The following NAPSA variants were observed in gnomAD, a reference collection of about 807,000 sequenced individuals.
The protein encoded by NAPSA is napsin-A.
Under a neutral mutation model 36.7 loss-of-function variants are expected in NAPSA, and 37 were observed. The ratio of observed to expected loss-of-function variants is 1.01; its 90% CI spans 0.78 to 1.33. The LOEUF (loss-of-function observed/expected upper bound fraction) is 1.33. NAPSA is among the 40% of genes most tolerant of loss of function. The probability of loss-of-function intolerance (pLI) is 0.00; values close to 1 mark genes in which losing one functional copy is unlikely to be tolerated. For synonymous variants in NAPSA, 222 were observed against 234.5 expected, an observed-to-expected ratio of 0.95 and a Z score of 0.49; for missense variants, 532 against 543.8, an observed-to-expected ratio of 0.98 and a Z score of 0.21.
upstream of NAPSA, chr19:50,369,268 A>T (rs548255784): frequency 6.6e-6 from 1 of 152,182 alleles, no homozygotes; most frequent in Non-Finnish European, 1.5e-5. Context: ...TTGGAGGGGA[A>T]TTGAACCTGG....
At chr19:50,369,203 T>C (rs2037585369), upstream of NAPSA, 1 of 152,100 alleles carries the variant, frequency 6.6e-6, no homozygotes, top group Non-Finnish European at 1.5e-5. Flanking sequence ...TTTTACCGGG[T>C]TGGGGAGGGG....
At chr19:50,361,520 T>G (rs1040583228) in intron 4 of NAPSA, 143 bp downstream of exon 4, 9 of 743,822 alleles carry the variant, frequency 1.2e-5, no homozygotes, top group Non-Finnish European at 2.1e-5. Context: ...CCCTTCACTC[T>G]GAAAGGCAGG....
intron 4 of NAPSA, chr19:50,361,418 C>G (rs1226425930): frequency 1.4e-5 from 8 of 588,704 alleles, no homozygotes; most frequent in Admixed American, 9.2e-5. Flanking sequence ...CTTGAGAAGC[C>G]CCACCTCTTA....
intron 4 of NAPSA, 81 bp downstream of exon 4, chr19:50,361,582 C>G (rs1420122586): frequency 3.2e-6 from 4 of 1,253,608 alleles, no homozygotes; most frequent in South Asian, 1.2e-5. Context: ...AGCTCCTCCT[C>G]GAGCCTCTTC....
rs2037434656 is a variant in NAPSA at position 50,359,034 on chromosome 19, TGAGGTTAAACCA to T, written c.1000_1011del (p.Trp334_Leu337del). On this transcript the variant is annotated inframe_deletion, in exon 8 of 9. Transcript: ENST00000253719. ...ACCTGGATGACGTAATCATGGGCCG[TGAGGTTAAACCA>T]GACCCCCCCAAGAAGGAAGGAGACT... The T allele has an allele frequency of 6.2e-7, 1 of 1,613,628 alleles. No homozygotes were observed. Among genetic ancestry groups the T allele is most frequent in the Non-Finnish European group, 8.5e-7 (1 of 1,179,840 alleles).
In NAPSA at chr19:50,358,503, G is replaced by T; in HGVS notation, c.*50C>A. 1 of 1,437,344 alleles carries T rather than the reference G, an allele frequency of 7.0e-7. No individual in the cohort carries two copies. The highest frequency in any genetic ancestry group is 9.3e-7 in the Non-Finnish European group (1 of 1,069,868). The allele number at this position is 1,437,344 out of a possible 1,614,324, so 89.0% of individuals were successfully genotyped here. A position where few individuals can be genotyped will look rare whatever the true frequency, so the allele number is the denominator to read the frequency against. On this transcript the variant is annotated 3_prime_UTR_variant, in exon 9 of 9. Transcript: ENST00000253719. ...CAATGGAAATAGTGGATTTTTACTG[G>T]GTAGCAGGACCTCCGCGACCACCCG...
intron 1 of NAPSA, among the ~76,000 whole-genome samples, chr19:50,365,007 TAATA>T (rs1245952676): frequency 9.1e-6 from 1 of 110,006 alleles, no homozygotes; most frequent in Admixed American, 9.9e-5. Context: ...ATAATAATAA[TAATA>T]AATAATAATA....
In NAPSA at chr19:50,362,153, G is replaced by C; in HGVS notation, c.225+19C>G. 6.2e-7 allele frequency: 1 copy of C among 1,612,742 alleles called. No homozygotes were observed. The highest frequency in any genetic ancestry group is 8.5e-7 in the Non-Finnish European group (1 of 1,179,030). On this transcript the variant is annotated intron_variant, in intron 2 of 8. Transcript: ENST00000253719. ...GCTCAAGGGCGCAGGGGTGAGGGCT[G>C]TGTGGGGCTGTGACTCACATCCCTG... is the stretch of plus-strand genomic sequence containing the variant.
chr19:50,360,000 C>T, intron 5 of NAPSA, 138 bp from the exon 6 acceptor site: 1 of 1,173,022 alleles, frequency 8.5e-7, no homozygotes. Flanking sequence ...GCAGGAAGGG[C>T]CTAGATGTTG....
At chr19:50,364,634 A>G (rs1321147797) in intron 1 of NAPSA, among the ~76,000 whole-genome samples, 1 of 148,730 alleles carries the variant, frequency 6.7e-6, no homozygotes, top group African/African-American at 2.5e-5. Context: ...AAAAAAAAAA[A>G]AGTCCTGAGA....
Position 50,359,376 on chromosome 19 carries a change from C to G in NAPSA, c.936+127G>C, listed in dbSNP as rs1221082374. The G allele has an allele frequency of 8.6e-6, 11 of 1,280,576 alleles. No individual in the cohort carries two copies. In the South Asian group the frequency reaches 1.3e-4, roughly 15 times the overall value. 79.3% of individuals were successfully genotyped at this position (1,280,576 alleles called of 1,614,324 possible). On this transcript the variant is annotated intron_variant, in intron 7 of 8. Transcript: ENST00000253719. Reference sequence around the variant, plus strand: ...CCACCACCCTCCAGACTATCTGTCACGAAGTCCAGTGCCTGCTGCCCTGGA... The same window carrying G: ...CCACCACCCTCCAGACTATCTGTCAGGAAGTCCAGTGCCTGCTGCCCTGGA...
intron 7 of NAPSA, 80 bp downstream of exon 7, chr19:50,359,422 TC>T: frequency 6.3e-7 from 1 of 1,576,858 alleles, no homozygotes; most frequent in African/African-American, 1.3e-5. Context: ...AATACTTGCC[TC>T]CCACCCTCAG....
chr19:50,366,171 TTTTG>T (rs2037546920), upstream of NAPSA, among the ~76,000 whole-genome samples: 1 of 151,492 alleles, frequency 6.6e-6, no homozygotes, highest in African/African-American at 2.4e-5. Context: ...GTTTGTTTGT[TTTTG>T]TTTTTGTTTT....
chr19:50,365,684 C>T (rs1244904426), upstream of NAPSA: 5 of 1,411,514 alleles, frequency 3.5e-6, no homozygotes, highest in South Asian at 2.5e-5. Context: ...CCTGTGACTC[C>T]ACCCTGTTCA....
At position 50,361,982 on chromosome 19, in the gene NAPSA, G is replaced by A. The variant is rs2037480814; in HGVS notation, c.336C>T (p.Phe112=). Residue 112 remains phenylalanine, a synonymous_variant, in exon 3 of 9, where the codon TTC becomes TTT. Coordinates refer to ENST00000253719, the MANE Select transcript of NAPSA (RefSeq NM_004851.3). ...LWVPSRRCHF[F]SVPCWLHHRF... is the part of the protein sequence containing the mutation. ...ATAGAAGCTCACAGCAGGGCACACTGAAGAAGTGGCATCTCCTGGACGGGA... is the reference window on the plus strand; with the variant it reads ...ATAGAAGCTCACAGCAGGGCACACTAAAGAAGTGGCATCTCCTGGACGGGA... 1 of 1,597,756 alleles carries A rather than the reference G, an allele frequency of 6.3e-7. No homozygotes were observed. Among genetic ancestry groups the A allele is most frequent in the African/African-American group, 1.3e-5 (1 of 74,616 alleles).
rs777071098 is a variant in NAPSA, at chr19:50,361,092, C to T, written c.517G>A (p.Glu173Lys). The change falls in exon 5 of 9, where the codon GAG (glutamate) becomes AAG (lysine). Residue 173 changes from glutamate (E) to lysine (K), a missense_variant. This residue lies in a region of NAPSA where 385 missense variants were observed against 371.5 expected (regional missense o/e 1.04). Coordinates refer to ENST00000253719, the MANE Select transcript of NAPSA (RefSeq NM_004851.3). ...ASVIFGEALWEPSLVFAFAHF... is the reference protein window; with the variant it reads ...ASVIFGEALWKPSLVFAFAHF... ...GCAAAAGCGAAGACCAGGCTGGGCT[C>T]CCAGAGAGCCTCCCCGAAAATCACT... is the stretch of plus-strand genomic sequence containing the variant. The T allele has an allele frequency of 6.2e-7, 1 of 1,614,124 alleles. No individual in the cohort carries two copies. The highest frequency in any genetic ancestry group is 1.3e-5 in the African/African-American group (1 of 75,030).
Position 50,358,620 on chromosome 19 carries a change from G to C in NAPSA, c.1196C>G (p.Ala399Gly). Residue 399 changes from alanine to glycine, a missense_variant, in exon 9 of 9, where the codon GCG (alanine) becomes GGG (glycine). Coordinates refer to ENST00000253719, the MANE Select transcript of NAPSA (RefSeq NM_004851.3). ...DMKSSARVGL[A>G]RARTRGADLG... is the part of the protein sequence containing the mutation. ...GTCCGCTCCGCGAGTGCGAGCGCGC[G>C]CCAGGCCCACCCGGGCGCTGCTCTT... 6.2e-7 allele frequency: 1 copy of C among 1,612,554 alleles called. No individual in the cohort carries two copies. Among genetic ancestry groups the C allele is most frequent in the Non-Finnish European group, 8.5e-7 (1 of 1,179,774 alleles).
chr19:50,368,027 C>G (rs1157550359), upstream of NAPSA, among the ~76,000 whole-genome samples: 1 of 151,568 alleles, frequency 6.6e-6, no homozygotes, highest in Non-Finnish European at 1.5e-5. Flanking sequence ...GCGTGGTGGT[C>G]AGCGCCTGTA....
chr19:50,368,050 C>G (rs993875793), upstream of NAPSA, among the ~76,000 whole-genome samples: 1 of 150,082 alleles, frequency 6.7e-6, no homozygotes, highest in African/African-American at 2.5e-5. Flanking sequence ...CCCAGCTACT[C>G]GGAAGGCCGA....
Sources: gnomAD v4.1 joint callset for allele counts (sites outside exome capture counted in the v4.1 genomes callset) on GRCh38, gnomAD v4.1.1 for gene constraint, gnomAD v4.1.1 regional missense constraint, MANE v1.5 for transcripts, NCBI Gene and HGNC (gene_info 2026-07-23, HGNC 2026-07-21) for gene names.